PYY: variants seen among roughly 807,000 people sequenced by gnomAD.
The protein encoded by PYY is peptide YY.
PYY carries 12 observed loss-of-function variants against 10.3 expected under a neutral mutation model. The ratio of observed to expected loss-of-function variants is 1.17; its 90% confidence interval spans 0.75 to 1.89. The LOEUF is 1.89. Ranked by LOEUF, PYY falls within the 40% of genes most tolerant of loss-of-function variation. The pLI, the probability that PYY is intolerant of heterozygous loss-of-function variation, is 0.00. For missense variants in PYY, 141 were observed against 134.0 expected, an observed-to-expected ratio of 1.05 and a Z score of -0.26; for synonymous variants, 66 against 62.0, an observed-to-expected ratio of 1.06 and a Z score of -0.30.
chr17:43,955,506 C>A (rs2048665985), upstream of PYY, among the ~76,000 whole-genome samples: 1 of 152,268 alleles, frequency 6.6e-6, no homozygotes, highest in African/African-American at 2.4e-5. Context: ...GACTCCACAT[C>A]CCAGGAAACA....
At chr17:44,002,376 G>C (rs554315092) in intron 1 of PYY, among the ~76,000 whole-genome samples, 1 of 152,348 alleles carries the variant, frequency 6.6e-6, no homozygotes, top group East Asian at 1.9e-4. Context: ...CCACGTGCAA[G>C]AAAGCAGGGA....
intron 1 of PYY, among the ~76,000 whole-genome samples, chr17:43,967,263 A>G (rs575968258): frequency 4.1e-4 from 62 of 152,260 alleles, no homozygotes; most frequent in South Asian, 1.2e-3. Context: ...AGATCACACC[A>G]CTGCACTCCA....
rs185106515 is a variant in PYY, at chr17:44,000,797, C to T, written c.-463+3594G>A. Among the ~76,000 whole-genome samples the T allele has an allele frequency of 2.2e-4, 33 of 151,920 alleles. 1 individual carries two copies. The East Asian group carries it at 4.3e-3, about 20-fold the overall frequency. On this transcript the variant is annotated intron_variant, in intron 1 of 6. Transcript: ENST00000360085. ...CTCAAACTCCTGACCTCAAGTGATC[C>T]GCCCGCCTCAGCCTCCCAAAGTGCT...
At position 43,987,147 on chromosome 17, in the gene PYY, C is replaced by A. The variant is rs1352295207; in HGVS notation, c.-463+17244G>T. Among the ~76,000 whole-genome samples, 2 of 152,144 alleles carry A rather than the reference C, an allele frequency of 1.3e-5. No individual in the cohort carries two copies. The highest frequency in any genetic ancestry group is 2.9e-5 in the Non-Finnish European group (2 of 68,020). ...GACATGGTGACCGTGGCCCTGAAAC[C>A]ATGTCTCTATTACCAATATCATCAG... is the stretch of plus-strand genomic sequence containing the variant. On this transcript the variant is annotated intron_variant, in intron 1 of 6. Transcript: ENST00000360085. This position sits in a 1 kb window ranked among gnomAD's most constrained non-coding sequence, Gnocchi z 4.0.
intron 1 of PYY, among the ~76,000 whole-genome samples, chr17:43,990,920 G>A (rs552476702): frequency 1.3e-5 from 2 of 149,390 alleles, no homozygotes; most frequent in African/African-American, 4.9e-5. Flanking sequence ...CAGTATCTCC[G>A]AGTAGCTGGG....
intron 1 of PYY, among the ~76,000 whole-genome samples, chr17:43,988,071 A>T (rs1567935813): frequency 6.6e-6 from 1 of 152,082 alleles, no homozygotes; most frequent in Non-Finnish European, 1.5e-5. Flanking sequence ...CCATCACTGA[A>T]ATGACCACAG....
At chr17:43,988,030 C>A (rs1218227364) in intron 1 of PYY, among the ~76,000 whole-genome samples, 3 of 152,114 alleles carry the variant, frequency 2.0e-5, no homozygotes, top group Non-Finnish European at 4.4e-5. Flanking sequence ...TCCAATCACC[C>A]AGGGCCACAG....
rs1307922859 is a variant in PYY, at chr17:43,987,427, G to A, written c.-463+16964C>T. On this transcript the variant is annotated intron_variant, in intron 1 of 6. Transcript: ENST00000360085. This position sits in a 1 kb window ranked among gnomAD's most constrained non-coding sequence, Gnocchi z 4.0. The stretch of plus-strand genomic sequence containing the variant: ...TACCCTGGGACTTCAGCTACAAAAG[G>A]CATCTGGGCAGGGGAGACTCCCAGC... Among the ~76,000 whole-genome samples, 1 of 152,150 alleles carries A rather than the reference G, an allele frequency of 6.6e-6. No individual in the cohort carries two copies. Among genetic ancestry groups the A allele is most frequent in the Non-Finnish European group, 1.5e-5 (1 of 68,012 alleles).
chr17:43,969,807 C>T (rs60535011), intron 1 of PYY, among the ~76,000 whole-genome samples: 1 of 151,486 alleles, frequency 6.6e-6, no homozygotes, highest in South Asian at 2.1e-4. Flanking sequence ...GCAGTGGCGC[C>T]ATCTCAGCTC....
At chr17:43,992,448 T>C (rs2048963725) in intron 1 of PYY, among the ~76,000 whole-genome samples, 1 of 151,936 alleles carries the variant, frequency 6.6e-6, no homozygotes, top group Non-Finnish European at 1.5e-5. Context: ...CAGTGGCTCA[T>C]GCCTGTAATC....
At chr17:43,980,553 C>T (rs1385524747) in intron 1 of PYY, among the ~76,000 whole-genome samples, 2 of 152,012 alleles carry the variant, frequency 1.3e-5, no homozygotes, top group Non-Finnish European at 2.9e-5. Flanking sequence ...CGGCTCACTG[C>T]AACCTCTGCC....
At chr17:43,974,916 A>G (rs1022378462) in intron 1 of PYY, among the ~76,000 whole-genome samples, 5 of 151,978 alleles carry the variant, frequency 3.3e-5, no homozygotes, top group South Asian at 2.1e-4. Flanking sequence ...GAGGATAGGG[A>G]AAAAAAAGTT....
Position 43,952,920 on chromosome 17 carries a change from G to A in PYY, c.*36C>T. On this transcript the variant is annotated 3_prime_UTR_variant, in exon 4 of 4. Transcript: ENST00000692052. Reference sequence around the variant, plus strand: ...GAGTGCGTATGCAAATGACGTGGGCGTGGTTGGCAGATCTCCCAGGAGGCC... The same window carrying A: ...GAGTGCGTATGCAAATGACGTGGGCATGGTTGGCAGATCTCCCAGGAGGCC... 1 of 1,530,820 alleles carries A rather than the reference G, an allele frequency of 6.5e-7. No homozygotes were observed. The highest frequency in any genetic ancestry group is 8.7e-7 in the Non-Finnish European group (1 of 1,142,974). 94.8% of individuals were successfully genotyped at this position (1,530,820 alleles called of 1,614,324 possible). A position where few individuals can be genotyped will look rare whatever the true frequency, so the allele number is the denominator to read the frequency against.
intron 1 of PYY, among the ~76,000 whole-genome samples, chr17:43,989,497 A>G (rs537052598): frequency 2.3e-4 from 35 of 152,254 alleles, no homozygotes; most frequent in African/African-American, 7.7e-4. Context: ...CCCAGAGTAC[A>G]CTAGGATTCC....
At chr17:43,964,213 G>T (rs2048738968) in intron 2 of PYY, among the ~76,000 whole-genome samples, 1 of 152,152 alleles carries the variant, frequency 6.6e-6, no homozygotes. Context: ...TAGAAATAGA[G>T]TCTCAATATG....
intron 1 of PYY, among the ~76,000 whole-genome samples, chr17:43,973,642 A>G (rs1173944879): frequency 6.6e-6 from 1 of 152,120 alleles, no homozygotes; most frequent in Admixed American, 6.6e-5. Context: ...TAAAAATACA[A>G]AAATTAGCCA....
chr17:43,976,818 T>C (rs1277699377), intron 1 of PYY, among the ~76,000 whole-genome samples: 2 of 151,954 alleles, frequency 1.3e-5, no homozygotes, highest in Non-Finnish European at 2.9e-5. Flanking sequence ...AGTGACTATC[T>C]CTATATGTTT....
intron 1 of PYY, among the ~76,000 whole-genome samples, chr17:43,995,561 C>T (rs747562012): frequency 1.8e-4 from 27 of 152,182 alleles, no homozygotes; most frequent in Non-Finnish European, 3.8e-4. Flanking sequence ...GGGCCGGGCA[C>T]GGTGGCTCAC....
At chr17:43,983,876 G>C (rs528965305) in intron 1 of PYY, among the ~76,000 whole-genome samples, 1 of 152,232 alleles carries the variant, frequency 6.6e-6, no homozygotes, top group African/African-American at 2.4e-5. Flanking sequence ...CAGGGGCCGC[G>C]TGTCCGGTGC....
Sources: gnomAD v4.1 joint callset for allele counts (sites outside exome capture counted in the v4.1 genomes callset) on GRCh38, gnomAD v4.1.1 for gene constraint, Gnocchi (gnomAD v3.1) non-coding constraint, MANE v1.5 for transcripts, NCBI Gene and HGNC (gene_info 2026-07-23, HGNC 2026-07-21) for gene names.